MAF: variants seen among roughly 807,000 people sequenced by gnomAD.
The protein encoded by MAF is transcription factor Maf.
A neutral mutation model predicts 22.0 loss-of-function variants in MAF; 10 were observed. The ratio of observed to expected loss-of-function variants is 0.45; its 90% CI spans 0.28 to 0.77. MAF has a LOEUF of 0.77. MAF is among the 30% of genes least tolerant of loss of function. The probability of loss-of-function intolerance (pLI) is 0.12; values close to 1 mark genes in which losing one functional copy is unlikely to be tolerated. For synonymous variants in MAF, 337 were observed against 255.8 expected, an observed-to-expected ratio of 1.32 and a Z score of -3.03; for missense variants, 544 against 548.4, an observed-to-expected ratio of 0.99 and a Z score of 0.08.
chr16:79,525,421 A>C, the MAF span, among the ~76,000 whole-genome samples: 5 of 152,324 alleles, frequency 3.3e-5, no homozygotes, highest in African/African-American at 4.8e-5. Flanking sequence ...TAGAGGATCA[A>C]ACAAAGACAT....
chr16:79,287,742 C>T, the MAF span, among the ~76,000 whole-genome samples: 1 of 152,218 alleles, frequency 6.6e-6, no homozygotes, highest in African/African-American at 2.4e-5. Context: ...TTCATTCACT[C>T]ATTCTTTCAT....
the MAF span, among the ~76,000 whole-genome samples, chr16:79,505,162 A>G: frequency 6.6e-6 from 1 of 152,192 alleles, no homozygotes; most frequent in Non-Finnish European, 1.5e-5. Flanking sequence ...TAGGAGGAAA[A>G]CAGGTGGAAG....
At chr16:79,343,206 C>G in the MAF span, among the ~76,000 whole-genome samples, 124 of 151,370 alleles carry the variant, frequency 8.2e-4, no homozygotes, top group African/African-American at 2.9e-3. Flanking sequence ...AAGACTATAG[C>G]AAATTCTGCC....
chr16:79,221,686 T>C, the MAF span, among the ~76,000 whole-genome samples: 12 of 152,154 alleles, frequency 7.9e-5, no homozygotes, highest in Non-Finnish European at 1.8e-4. Context: ...TATGTGTGTG[T>C]ACATGTGCAT....
the MAF span, among the ~76,000 whole-genome samples, chr16:79,395,165 A>T: frequency 1.3e-5 from 2 of 152,176 alleles, no homozygotes; most frequent in Non-Finnish European, 2.9e-5. Flanking sequence ...GCACTGGGAC[A>T]CGTGTTTTGC....
At chr16:79,379,244 C>G in the MAF span, among the ~76,000 whole-genome samples, 1 of 152,118 alleles carries the variant, frequency 6.6e-6, no homozygotes, top group African/African-American at 2.4e-5. Flanking sequence ...ACCTAGAGAA[C>G]TGTGTTGAAA....
chr16:79,212,016 C>T, the MAF span: 7 of 1,536,118 alleles, frequency 4.6e-6, no homozygotes, highest in Non-Finnish European at 6.1e-6. Flanking sequence ...AGGCATAGGT[C>T]TCTTTGCTTT....
At chr16:79,214,160 CCTCTATTTTTTCTCCA>C in the MAF span, among the ~76,000 whole-genome samples, 1 of 152,102 alleles carries the variant, frequency 6.6e-6, no homozygotes, top group African/African-American at 2.4e-5. Flanking sequence ...TTCCCCTTCC[CCTCTATTTTTTCTCCA>C]CAACACTTAA....
the MAF span, among the ~76,000 whole-genome samples, chr16:79,365,070 G>C: frequency 6.6e-6 from 1 of 152,144 alleles, no homozygotes; most frequent in African/African-American, 2.4e-5. Context: ...TTTCTGATTG[G>C]TTAAACTTCA....
At chr16:79,288,375 G>C in the MAF span, among the ~76,000 whole-genome samples, 3 of 152,102 alleles carry the variant, frequency 2.0e-5, no homozygotes, top group African/African-American at 4.8e-5. Context: ...GGTTACATAA[G>C]AATCCCGAGG....
the MAF span, among the ~76,000 whole-genome samples, chr16:79,266,926 T>G: frequency 6.6e-6 from 1 of 152,176 alleles, no homozygotes; most frequent in East Asian, 1.9e-4. Context: ...TTCCTTTGAT[T>G]GCAGGGAGAC....
chr16:79,472,652 G>A, the MAF span, among the ~76,000 whole-genome samples: 3 of 152,064 alleles, frequency 2.0e-5, no homozygotes, highest in African/African-American at 7.2e-5. Flanking sequence ...TCATGGGTAT[G>A]GAGTTTCCTT....
At chr16:79,411,824 T>C in the MAF span, among the ~76,000 whole-genome samples, 2 of 152,248 alleles carry the variant, frequency 1.3e-5, no homozygotes, top group Non-Finnish European at 2.9e-5. Flanking sequence ...TACTCTGATC[T>C]TCAGGTTGTC....
At chr16:79,464,570 A>T in the MAF span, among the ~76,000 whole-genome samples, 2 of 152,172 alleles carry the variant, frequency 1.3e-5, no homozygotes, top group African/African-American at 4.8e-5. Context: ...CCCAAAGAAC[A>T]CCTGTCTGCA....
chr16:79,592,294 A>G (rs1384637956), downstream of MAF, among the ~76,000 whole-genome samples: 1 of 152,206 alleles, frequency 6.6e-6, no homozygotes, highest in African/African-American at 2.4e-5. Flanking sequence ...AACAATCATG[A>G]GACAGCCTGG....
the MAF span, among the ~76,000 whole-genome samples, chr16:79,267,241 G>A: frequency 6.6e-6 from 1 of 152,204 alleles, no homozygotes. Flanking sequence ...CATCTTGGAT[G>A]TGGTGGGGTA....
chr16:79,323,648 G>C, the MAF span, among the ~76,000 whole-genome samples: 4 of 152,122 alleles, frequency 2.6e-5, no homozygotes, highest in Non-Finnish European at 4.4e-5. Context: ...GCAAGCAGCT[G>C]GCACCGAGGT....
chr16:79,406,496 G>A, the MAF span, among the ~76,000 whole-genome samples: 2 of 152,168 alleles, frequency 1.3e-5, no homozygotes, highest in Non-Finnish European at 2.9e-5. Flanking sequence ...CATAGATGGT[G>A]CCTTCAAGCC....
At chr16:79,288,294 G>A in the MAF span, among the ~76,000 whole-genome samples, 4 of 152,096 alleles carry the variant, frequency 2.6e-5, no homozygotes, top group Non-Finnish European at 4.4e-5. Flanking sequence ...TCACACCATC[G>A]CCATTTCTGA....
Sources: allele counts gnomAD v4.1 joint callset (sites outside exome capture counted in the v4.1 genomes callset), GRCh38; gene constraint gnomAD v4.1.1; transcripts MANE v1.5; gene names NCBI Gene and HGNC (gene_info 2026-07-23, HGNC 2026-07-21).